NBEAL1: variants seen among roughly 807,000 people sequenced by gnomAD.
NBEAL1 encodes the protein neurobeachin like 1, also known as neurobeachin-like protein 1.
NBEAL1 carries 273 observed loss-of-function variants against 351.3 expected under a neutral mutation model. The observed-to-expected ratio is 0.78, with a 90% CI of 0.70 to 0.86. NBEAL1 has a LOEUF of 0.86. NBEAL1 is among the 40% of genes least tolerant of loss of function. NBEAL1 has a pLI of 0.00. For missense variants in NBEAL1, 2,961 were observed against 3,201.3 expected, an observed-to-expected ratio of 0.92 and a Z score of 1.81; for synonymous variants, 1,050 against 1,086.4, an observed-to-expected ratio of 0.97 and a Z score of 0.66.
intron 12 of NBEAL1, 85 bp from the exon 13 acceptor site, chr2:203,107,335 A>G: frequency 1.6e-6 from 1 of 638,520 alleles, no homozygotes; most frequent in Non-Finnish European, 2.6e-6. Context: ...AATTAGCATA[A>G]ATGAGTATTA....
chr2:203,113,259 C>A lies in NBEAL1; in HGVS notation c.2447C>A (p.Ser816Tyr). 2.7e-6 allele frequency: 4 copies of A among 1,491,666 alleles called. No homozygotes were observed. The highest frequency in any genetic ancestry group is 2.8e-5 in the South Asian group (2 of 71,400). The allele number at this position is 1,491,666 out of a possible 1,614,324, so 92.4% of individuals were successfully genotyped here. A position where few individuals can be genotyped will look rare whatever the true frequency, so the allele number is the denominator to read the frequency against. Reference protein sequence around the residue: ...CPTSLEGQLGSVIIFYEPLQP... With the variant: ...CPTSLEGQLGYVIIFYEPLQP... ...ACATCTCTGGAGGGTCAGCTAGGATCTGTTATCATCTTTTATGAACCACTA... is the reference window on the plus strand; with the variant it reads ...ACATCTCTGGAGGGTCAGCTAGGATATGTTATCATCTTTTATGAACCACTA... Residue 816 changes from serine to tyrosine, a missense_variant, in exon 17 of 56, where the codon TCT (serine) becomes TAT (tyrosine). Ser to Tyr is a moderately radical substitution (Grantham distance 144). Coordinates refer to ENST00000683969, the MANE Select transcript of NBEAL1 (RefSeq NM_001378026.1).
chr2:203,208,302 A>G (rs1447674758), intron 51 of NBEAL1, among the ~76,000 whole-genome samples: 2 of 152,210 alleles, frequency 1.3e-5, no homozygotes, highest in African/African-American at 4.8e-5. Context: ...AAATAAGGTT[A>G]TTCAGAAATA....
At chr2:203,124,611 A>G (rs2062899209) in intron 19 of NBEAL1, among the ~76,000 whole-genome samples, 1 of 152,194 alleles carries the variant, frequency 6.6e-6, no homozygotes, top group Non-Finnish European at 1.5e-5. Context: ...TTCTAAGAAA[A>G]CAAGCAAAGA....
intron 54 of NBEAL1, among the ~76,000 whole-genome samples, chr2:203,213,286 T>A (rs1363011668): frequency 1.3e-5 from 2 of 152,162 alleles, no homozygotes; most frequent in Non-Finnish European, 2.9e-5. Context: ...TATATATGGT[T>A]AGAAGAAAAA....
At chr2:203,041,711 A>ATTTTTTTTT (rs35056108) in intron 2 of NBEAL1, 54 bp from the exon 3 acceptor site, 1 of 1,091,006 alleles carries the variant, frequency 9.2e-7, no homozygotes, top group Non-Finnish European at 1.3e-6. Context: ...GTGTAGAAGC[A>ATTTTTTTTT]TTTTTTTTTT....
intron 31 of NBEAL1, among the ~76,000 whole-genome samples, chr2:203,141,363 ATTATTTTTTTTTTTTTT>A (rs1482935748): frequency 1.1e-4 from 2 of 17,488 alleles, no homozygotes; most frequent in Admixed American, 8.5e-4. Context: ...TATTATTATT[ATTATTTTTTTTTTTTTT>A]TTTTTTTTTT....
intron 47 of NBEAL1, among the ~76,000 whole-genome samples, chr2:203,194,924 G>A (rs187807566): frequency 1.3e-5 from 2 of 152,214 alleles, no homozygotes; most frequent in Admixed American, 6.5e-5. Context: ...TTGGCCGGGC[G>A]CAGTGGCTCA....
intron 3 of NBEAL1, 40 bp from the exon 4 acceptor site, chr2:203,049,774 A>G: frequency 1.4e-6 from 2 of 1,476,390 alleles, no homozygotes; most frequent in Non-Finnish European, 1.8e-6. Context: ...TTCTTCTTGT[A>G]TTTCAACAGG....
intron 27 of NBEAL1, among the ~76,000 whole-genome samples, chr2:203,134,781 T>C (rs1204385881): frequency 1.3e-5 from 2 of 152,238 alleles, no homozygotes; most frequent in Non-Finnish European, 2.9e-5. Context: ...GGCATCCATC[T>C]TGCTGAAATT....
intron 35 of NBEAL1, among the ~76,000 whole-genome samples, chr2:203,154,235 CAAA>C (rs568311684): frequency 2.9e-5 from 2 of 70,058 alleles, no homozygotes; most frequent in Admixed American, 1.8e-4. Context: ...GACCCCGTCT[CAAA>C]AAAAAAAAAA....
chr2:203,217,091 A>G (rs2065905248), intron 55 of NBEAL1, among the ~76,000 whole-genome samples, 162 bp from the exon 56 acceptor site: 1 of 152,308 alleles, frequency 6.6e-6, no homozygotes, highest in South Asian at 2.1e-4. Context: ...GGCATGAGTC[A>G]CCACACCTGG....
At chr2:203,186,982 C>T (rs2064916030) in intron 44 of NBEAL1, among the ~76,000 whole-genome samples, 1 of 152,210 alleles carries the variant, frequency 6.6e-6, no homozygotes, top group African/African-American at 2.4e-5. Flanking sequence ...CAGCCAAACC[C>T]TTGAACTAAA....
At position 203,221,596 on chromosome 2, in the gene NBEAL1, C is replaced by T. The variant is rs772794605; in HGVS notation, c.*4242C>T. Among the ~76,000 whole-genome samples the T allele has an allele frequency of 1.1e-4, 17 of 152,146 alleles. No individual in the cohort carries two copies. Among genetic ancestry groups the T allele is most frequent in the Non-Finnish European group, 2.4e-4 (16 of 68,028 alleles). On this transcript the variant is annotated 3_prime_UTR_variant, in exon 56 of 56. Transcript: ENST00000683969. ...TCAGCCATACTCATGGCTTATCCTA[C>T]GCATTGTTCCTCTCATCAGCTGAAA...
chr2:203,193,745 A>T, intron 46 of NBEAL1, 50 bp from the exon 47 acceptor site: 1 of 1,240,482 alleles, frequency 8.1e-7, no homozygotes, highest in Non-Finnish European at 1.2e-6. Flanking sequence ...ACATAGTGAG[A>T]GATTAATAAC....
In NBEAL1 at chr2:203,145,099, C is replaced by T. The variant is rs563109674; in HGVS notation, c.5243C>T (p.Ala1748Val). The change falls in exon 33 of 56, where the codon GCT (alanine) becomes GTT (valine). Residue 1748 changes from alanine (A) to valine (V), a missense_variant. Physicochemically the swap from Ala to Val is moderately conservative, Grantham distance 64. Coordinates refer to ENST00000683969, the MANE Select transcript of NBEAL1 (RefSeq NM_001378026.1). ...CTTTATTGGAAGGATTGTTATGAAG[C>T]TTTAATGGTAAATATGCATAAACGA... ...MALYWKDCYEALMVNMHKRDR... is the reference protein window; with the variant it reads ...MALYWKDCYEVLMVNMHKRDR... 26 of 1,612,784 alleles carry T rather than the reference C, an allele frequency of 1.6e-5. No individual in the cohort carries two copies. The highest frequency in any genetic ancestry group is 2.2e-5 in the Non-Finnish European group (26 of 1,179,646).
intron 51 of NBEAL1, among the ~76,000 whole-genome samples, chr2:203,204,329 T>G (rs1024378656): frequency 2.0e-5 from 3 of 148,416 alleles, no homozygotes; most frequent in South Asian, 2.1e-4. Flanking sequence ...TTTTGGTTTT[T>G]TTTTTTTTTT....
intron 36 of NBEAL1, among the ~76,000 whole-genome samples, chr2:203,165,005 G>A (rs558225691): frequency 3.3e-5 from 5 of 152,120 alleles, no homozygotes; most frequent in African/African-American, 1.2e-4. Context: ...GGGATTACAG[G>A]CATGCACCAC....
chr2:203,034,147 G>C (rs2060999411), intron 2 of NBEAL1, among the ~76,000 whole-genome samples: 4 of 151,114 alleles, frequency 2.6e-5, no homozygotes, highest in Admixed American at 2.6e-4. Flanking sequence ...GTTCGTACAT[G>C]GTTGGCCTGT....
chr2:203,215,774 G>T (rs2065885353), intron 55 of NBEAL1, among the ~76,000 whole-genome samples: 1 of 152,116 alleles, frequency 6.6e-6, no homozygotes, highest in Admixed American at 6.6e-5. Context: ...CCTTTGGGAG[G>T]CTGAGGTGGG....
Sources: allele counts gnomAD v4.1 joint callset (sites outside exome capture counted in the v4.1 genomes callset), GRCh38; gene constraint gnomAD v4.1.1; transcripts MANE v1.5; gene names NCBI Gene and HGNC (gene_info 2026-07-23, HGNC 2026-07-21).